The following TMPRSS2 variants were observed in gnomAD, a reference collection of about 807,000 sequenced individuals.
The protein encoded by TMPRSS2 is transmembrane serine protease 2, also known as transmembrane protease serine 2.
Under a neutral mutation model 67.4 loss-of-function variants are expected in TMPRSS2, and 59 were observed. That is an observed-to-expected ratio of 0.88 (90% CI 0.71 to 1.09). TMPRSS2 has a LOEUF of 1.09. TMPRSS2 is among the 50% of genes least tolerant of loss of function. TMPRSS2 has a pLI of 0.00. For synonymous variants in TMPRSS2, 257 were observed against 257.0 expected (o/e 1.00, Z 0.00); for missense variants, 668 against 642.7 (o/e 1.04, Z -0.43).
chr21:41,482,568 C>CGAGT (rs1370241700), intron 5 of TMPRSS2, among the ~76,000 whole-genome samples: 2 of 152,188 alleles, frequency 1.3e-5, no homozygotes, highest in Non-Finnish European at 2.9e-5. Context: ...TTACTTCCTA[C>CGAGT]GAGTGGCCCT....
intron 5 of TMPRSS2, among the ~76,000 whole-genome samples, chr21:41,485,964 A>T (rs537776573): frequency 2.0e-5 from 3 of 152,324 alleles, no homozygotes; most frequent in African/African-American, 7.2e-5. Flanking sequence ...GCTTAACAGG[A>T]AACCAGTCCC....
intron 3 of TMPRSS2, among the ~76,000 whole-genome samples, chr21:41,492,660 T>C (rs1045990091): frequency 2.6e-5 from 4 of 152,356 alleles, no homozygotes; most frequent in African/African-American, 9.6e-5. Flanking sequence ...AATGCAAAAA[T>C]CATACATGTA....
In TMPRSS2 at chr21:41,498,212, T is replaced by C. The variant is rs1359957096; in HGVS notation, c.-56-23A>G. ...GACCTAGAAGAAAGAATTACAGGACTGTAATATTTCCATACCAGTTAGTTT... is the reference window on the plus strand; with the variant it reads ...GACCTAGAAGAAAGAATTACAGGACCGTAATATTTCCATACCAGTTAGTTT... On this transcript the variant is annotated intron_variant, in intron 1 of 13. Transcript: ENST00000332149. The C allele has an allele frequency of 5.3e-6, 8 of 1,518,656 alleles. No homozygotes were observed. In the South Asian group the frequency reaches 9.2e-5, roughly 18 times the overall value. The allele number at this position is 1,518,656 out of a possible 1,614,324, so 94.1% of individuals were successfully genotyped here.
At chr21:41,467,337 C>T (rs1233497419) in intron 13 of TMPRSS2, among the ~76,000 whole-genome samples, 2 of 150,000 alleles carry the variant, frequency 1.3e-5, no homozygotes, top group African/African-American at 4.9e-5. Flanking sequence ...TGCAGTGAGT[C>T]GAGATTGTGC....
rs1165237296 is a variant in TMPRSS2 at position 41,467,656 on chromosome 21, C to T, written c.1467+78G>A. ...GTGGTCACCAGTCAGCTTCCAGCAG[C>T]AGAACCACGCCTAACAGATGTCTGG... On this transcript the variant is annotated intron_variant, in intron 13 of 13. Coordinates refer to ENST00000332149, the MANE Select transcript of TMPRSS2 (RefSeq NM_005656.4). The T allele has an allele frequency of 4.5e-6, 7 of 1,555,154 alleles. No individual in the cohort carries two copies. The African/African-American group carries it at 8.1e-5, about 18-fold the overall frequency.
rs917094684 is a variant in TMPRSS2 at position 41,465,902 on chromosome 21, A to C, written c.*240T>G. ...CCCCTCTCCTCCACACTTGACCGCCAGTGCCCACAACCAGCCGGCCATCAC... is the reference window on the plus strand; with the variant it reads ...CCCCTCTCCTCCACACTTGACCGCCCGTGCCCACAACCAGCCGGCCATCAC... On this transcript the variant is annotated 3_prime_UTR_variant, in exon 14 of 14. Transcript: ENST00000332149. The C allele has an allele frequency of 5.1e-6, 3 of 585,532 alleles. No individual in the cohort carries two copies. Among genetic ancestry groups the C allele is most frequent in the Non-Finnish European group, 9.3e-6 (3 of 323,888 alleles). The allele number at this position is 585,532 out of a possible 1,614,324, so 36.3% of individuals were successfully genotyped here.
intron 1 of TMPRSS2, among the ~76,000 whole-genome samples, chr21:41,500,375 G>A (rs374881231): frequency 6.6e-6 from 1 of 152,132 alleles, no homozygotes; most frequent in African/African-American, 2.4e-5. Flanking sequence ...GTCTTGATTC[G>A]CAGGTTTGCC....
intron 5 of TMPRSS2, among the ~76,000 whole-genome samples, chr21:41,484,875 C>T (rs1475234409): frequency 3.3e-5 from 5 of 152,136 alleles, no homozygotes; most frequent in African/African-American, 4.8e-5. Context: ...AAACAGGGGG[C>T]TCATTTCCCT....
At chr21:41,507,533 A>G (rs1000854682) in intron 1 of TMPRSS2, among the ~76,000 whole-genome samples, 18 of 152,068 alleles carry the variant, frequency 1.2e-4, no homozygotes, top group Admixed American at 1.2e-3. Context: ...CGCCGGCCGT[A>G]TCGTTCCCGG....
At chr21:41,468,191 C>T in intron 12 of TMPRSS2, 1 of 654,348 alleles carries the variant, frequency 1.5e-6, no homozygotes, top group Non-Finnish European at 2.6e-6. Flanking sequence ...ACCGGTTTTT[C>T]AGAGGGTGTG....
At chr21:41,493,055 C>T (rs1342857835) in intron 3 of TMPRSS2, among the ~76,000 whole-genome samples, 4 of 152,144 alleles carry the variant, frequency 2.6e-5, no homozygotes, top group Non-Finnish European at 4.4e-5. Context: ...GAGCAGCATC[C>T]CCGGTGCCTA....
intron 3 of TMPRSS2, among the ~76,000 whole-genome samples, chr21:41,490,430 T>C (rs2091327358): frequency 6.6e-6 from 1 of 152,204 alleles, no homozygotes; most frequent in Non-Finnish European, 1.5e-5. Flanking sequence ...AGTAAAATGA[T>C]GTAAATTCAA....
At chr21:41,488,222 C>T (rs750027353) in intron 5 of TMPRSS2, among the ~76,000 whole-genome samples, 172 bp downstream of exon 5, 13 of 152,160 alleles carry the variant, frequency 8.5e-5, no homozygotes, top group South Asian at 2.1e-4. Flanking sequence ...GAGGTTGGGC[C>T]GGAAACACAA....
In TMPRSS2 at chr21:41,488,463, A is replaced by ACT; in HGVS notation, c.375_376insAG (p.Cys126SerfsTer76). 6.2e-7 allele frequency: 1 copy of ACT among 1,613,874 alleles called. No individual in the cohort carries two copies. The highest frequency in any genetic ancestry group is 1.3e-5 in the African/African-American group (1 of 75,038). On this transcript the variant is annotated frameshift_variant, in exon 5 of 14. Coordinates refer to ENST00000332149, the MANE Select transcript of TMPRSS2 (RefSeq NM_005656.4). LOFTEE classifies it high-confidence loss of function. ...TCACACCAGTTAGAGGGGTTGATGCAGGTACCTGAGGAGTCGCACTCTATC... is the reference window on the plus strand; with the variant it reads ...TCACACCAGTTAGAGGGGTTGATGCACTGGTACCTGAGGAGTCGCACTCTATC...
At chr21:41,480,686 T>A in intron 5 of TMPRSS2, 84 bp from the exon 6 acceptor site, 1 of 1,539,274 alleles carries the variant, frequency 6.5e-7, no homozygotes. Flanking sequence ...TCACCTAGGC[T>A]GAAGTGCAGT....
In TMPRSS2 at chr21:41,473,439, G is replaced by A. The variant is rs150445636; in HGVS notation, c.785C>T (p.Ala262Val). ...CTGCCAGGGCCAGGCCCCCGGGAGC[G>A]CGCTCTCGCCGCCCACAATCCTGCT... ...RQSRIVGGES[A>V]LPGAWPWQVS... is the part of the protein sequence containing the mutation. The change falls in exon 9 of 14, where the codon GCG becomes GTG. Residue 262 changes from alanine to valine, a missense_variant. Ala to Val is a moderately conservative substitution (Grantham distance 64). Transcript: ENST00000332149. 136 of 1,610,290 alleles carry A rather than the reference G, an allele frequency of 8.4e-5. 1 individual carries two copies. The highest frequency in any genetic ancestry group is 4.4e-4 in the African/African-American group (33 of 75,016).
At chr21:41,507,951 T>C (rs991895837) in intron 1 of TMPRSS2, 130 bp downstream of exon 1, 68 of 1,480,330 alleles carry the variant, frequency 4.6e-5, no homozygotes, top group Non-Finnish European at 5.9e-5. Context: ...CGCACTCACC[T>C]GCCGCGCCGC....
chr21:41,502,424 G>A (rs986719622), intron 1 of TMPRSS2: 3 of 985,298 alleles, frequency 3.0e-6, no homozygotes, highest in Non-Finnish European at 3.6e-6. Context: ...GCCCCCACCT[G>A]TGACTGGTAC....
intron 1 of TMPRSS2, among the ~76,000 whole-genome samples, chr21:41,501,091 C>A (rs2091420780): frequency 6.6e-6 from 1 of 152,214 alleles, no homozygotes; most frequent in Admixed American, 6.5e-5. Flanking sequence ...TCAAAACCCA[C>A]ACTTGCTATT....
Sources: allele counts gnomAD v4.1 joint callset (sites outside exome capture counted in the v4.1 genomes callset), GRCh38; gene constraint gnomAD v4.1.1; transcripts MANE v1.5; gene names NCBI Gene and HGNC (gene_info 2026-07-23, HGNC 2026-07-21).